The following RAB27B variants were observed in gnomAD, a reference collection of about 807,000 sequenced individuals.
The protein encoded by RAB27B is ras-related protein Rab-27B.
Under a neutral mutation model 24.6 loss-of-function variants are expected in RAB27B, and 15 were observed. That is an observed-to-expected ratio of 0.61 (90% CI 0.41 to 0.94). The LOEUF is 0.94. Ranked by LOEUF, RAB27B falls within the 40% of genes least tolerant of loss-of-function variation. The probability of loss-of-function intolerance (pLI) is 0.00; values close to 1 mark genes in which losing one functional copy is unlikely to be tolerated. For synonymous variants in RAB27B, 105 were observed against 92.5 expected (o/e 1.14, Z -0.78); for missense variants, 261 against 266.8 (o/e 0.98, Z 0.15).
chr18:54,736,830 G>A lies in RAB27B; in HGVS notation c.-20+18689G>A, dbSNP rs1909912101. Among the ~76,000 whole-genome samples, 4 of 152,240 alleles carry A rather than the reference G, an allele frequency of 2.6e-5. No homozygotes were observed. The South Asian group carries it at 8.3e-4, about 32-fold the overall frequency. On this transcript the variant is annotated intron_variant, in intron 2 of 4. Transcript: ENST00000586570. ...GCATAAGCGTTTGAGTTTTTCATTG[G>A]ATAGGACACTGCTGGAGTGTCGTAT...
intron 2 of RAB27B, among the ~76,000 whole-genome samples, chr18:54,812,763 C>T (rs1226221950): frequency 1.3e-5 from 2 of 152,044 alleles, no homozygotes; most frequent in Non-Finnish European, 2.9e-5. Flanking sequence ...AGATGAAATA[C>T]TAGAATAATT....
chr18:54,876,703 A>G (rs1912717946), intron 1 of RAB27B, among the ~76,000 whole-genome samples: 1 of 152,182 alleles, frequency 6.6e-6, no homozygotes, highest in Admixed American at 6.5e-5. Flanking sequence ...GTTTTAAATT[A>G]AAAAGGAATA....
intron 2 of RAB27B, among the ~76,000 whole-genome samples, chr18:54,742,907 C>T (rs1212525442): frequency 6.6e-6 from 1 of 152,164 alleles, no homozygotes; most frequent in African/African-American, 2.4e-5. Context: ...GTCAACTCAC[C>T]CTGTGAGGTC....
At chr18:54,847,924 T>C (rs1285312917) in intron 1 of RAB27B, among the ~76,000 whole-genome samples, 1 of 152,210 alleles carries the variant, frequency 6.6e-6, no homozygotes, top group Non-Finnish European at 1.5e-5. Flanking sequence ...CACAAATCCC[T>C]TAGGCCCAGA....
At chr18:54,819,962 T>C (rs1477348955) in intron 2 of RAB27B, among the ~76,000 whole-genome samples, 1 of 152,186 alleles carries the variant, frequency 6.6e-6, no homozygotes, top group African/African-American at 2.4e-5. Flanking sequence ...ATCATTTTTT[T>C]GGCTGCATAG....
chr18:54,838,825 T>C (rs989848967), intron 1 of RAB27B, among the ~76,000 whole-genome samples: 6 of 152,160 alleles, frequency 3.9e-5, no homozygotes, highest in Non-Finnish European at 7.4e-5. Context: ...CTACTTATAT[T>C]ATTCACTAAA....
intron 4 of RAB27B, 100 bp from the exon 5 acceptor site, chr18:54,887,895 C>A: frequency 7.1e-7 from 1 of 1,415,184 alleles, no homozygotes; most frequent in Non-Finnish European, 9.6e-7. Flanking sequence ...AGCAACCAAA[C>A]TGGAGATAAG....
intron 4 of RAB27B, among the ~76,000 whole-genome samples, chr18:54,885,056 T>A (rs1598995122): frequency 6.6e-6 from 1 of 152,218 alleles, no homozygotes; most frequent in South Asian, 2.1e-4. Context: ...AATTGAAATG[T>A]TGCCTAATCA....
intron 2 of RAB27B, among the ~76,000 whole-genome samples, chr18:54,718,825 T>A (rs983274677): frequency 6.6e-6 from 1 of 152,312 alleles, no homozygotes; most frequent in African/African-American, 2.4e-5. Context: ...TTTTTGAGTA[T>A]TTTACAAATC....
At chr18:54,821,092 A>G (rs551712734) in intron 2 of RAB27B, among the ~76,000 whole-genome samples, 2 of 152,278 alleles carry the variant, frequency 1.3e-5, no homozygotes, top group African/African-American at 4.8e-5. Context: ...GAGGAAGTCA[A>G]ATTGTCCCTG....
intron 4 of RAB27B, among the ~76,000 whole-genome samples, chr18:54,886,224 C>A (rs527928245): frequency 1.3e-5 from 2 of 152,120 alleles, no homozygotes; most frequent in African/African-American, 4.8e-5. Context: ...AGAGTTCATT[C>A]AGTCCCAGCC....
chr18:54,728,682 C>T (rs1909621370), intron 2 of RAB27B, among the ~76,000 whole-genome samples: 1 of 151,758 alleles, frequency 6.6e-6, no homozygotes, highest in Non-Finnish European at 1.5e-5. Flanking sequence ...TGAGACCAGC[C>T]TGGCCAACAT....
At chr18:54,771,235 A>G (rs117599630) in intron 2 of RAB27B, among the ~76,000 whole-genome samples, 3,114 of 152,208 alleles carry the variant, frequency 0.02, 48 homozygotes, top group Non-Finnish European at 0.03. Context: ...TGGTTTTCAT[A>G]AACAGTTTTA....
chr18:54,865,031 A>T (rs376449971), intron 1 of RAB27B, among the ~76,000 whole-genome samples: 73 of 152,268 alleles, frequency 4.8e-4, no homozygotes, highest in African/African-American at 1.7e-3. Flanking sequence ...TTTAGTGCTT[A>T]GACTAAAAGA....
intron 1 of RAB27B, among the ~76,000 whole-genome samples, chr18:54,852,275 C>T (rs1169616569): frequency 6.6e-6 from 1 of 152,116 alleles, no homozygotes; most frequent in African/African-American, 2.4e-5. Context: ...CAAATCCCTA[C>T]TTATATAGGA....
intron 1 of RAB27B, among the ~76,000 whole-genome samples, chr18:54,833,828 A>C (rs756390248): frequency 6.6e-6 from 1 of 152,192 alleles, no homozygotes; most frequent in Admixed American, 6.5e-5. Flanking sequence ...GGAGCGTTCA[A>C]GAAACTGAGA....
chr18:54,856,011 C>T (rs911723449), intron 1 of RAB27B, among the ~76,000 whole-genome samples: 24 of 152,198 alleles, frequency 1.6e-4, no homozygotes, highest in African/African-American at 5.1e-4. Flanking sequence ...AAACACAAGA[C>T]GTGCAAAGCT....
chr18:54,892,655 G>A lies in RAB27B; in HGVS notation c.*3242G>A, dbSNP rs1284024108. 6.6e-6 allele frequency: 1 copy of A among 152,088 alleles called. No homozygotes were observed. The highest frequency in any genetic ancestry group is 1.5e-5 in the Non-Finnish European group (1 of 67,972). 9.4% of individuals were successfully genotyped at this position (152,088 alleles called of 1,614,324 possible). ...GAGAAAATACTAAACGCCAAGAGTT[G>A]AGCCTGTGGGTCTCTCCATAAGAGT... On this transcript the variant is annotated 3_prime_UTR_variant, in exon 6 of 6. Coordinates refer to ENST00000262094, the MANE Select transcript of RAB27B (RefSeq NM_004163.4).
intron 3 of RAB27B, among the ~76,000 whole-genome samples, chr18:54,882,673 C>G (rs1431544980): frequency 6.6e-6 from 1 of 152,132 alleles, no homozygotes; most frequent in African/African-American, 2.4e-5. Context: ...GAAAGACCAG[C>G]ATGTGTGAAA....
Sources: gnomAD v4.1 joint callset for allele counts (sites outside exome capture counted in the v4.1 genomes callset) on GRCh38, gnomAD v4.1.1 for gene constraint, MANE v1.5 for transcripts, NCBI Gene and HGNC (gene_info 2026-07-23, HGNC 2026-07-21) for gene names.